KCNQ1: variants seen among roughly 807,000 people sequenced by gnomAD.
KCNQ1 encodes potassium voltage-gated channel subfamily KQT member 1.
In KCNQ1, 49 loss-of-function variants were observed where a neutral mutation model predicts 72.4. That is an observed-to-expected ratio of 0.68 (90% CI 0.54 to 0.86). KCNQ1 has a LOEUF of 0.86. Among genes scored for constraint, KCNQ1 ranks in the 40% least tolerant of loss-of-function variants. KCNQ1 has a pLI of 0.00. For missense variants in KCNQ1, 790 were observed against 945.1 expected, an observed-to-expected ratio of 0.84 and a Z score of 2.15; for synonymous variants, 450 against 412.6, an observed-to-expected ratio of 1.09 and a Z score of -1.10.
intron 15 of KCNQ1, among the ~76,000 whole-genome samples, chr11:2,812,580 G>A (rs760336405): frequency 6.6e-5 from 10 of 152,168 alleles, no homozygotes; most frequent in African/African-American, 1.4e-4. Context: ...GGCCAGCCCC[G>A]TCCCCAGGGG....
chr11:2,561,753 A>G (rs1215598636), intron 2 of KCNQ1, among the ~76,000 whole-genome samples: 1 of 152,140 alleles, frequency 6.6e-6, no homozygotes, highest in Non-Finnish European at 1.5e-5. Context: ...TCCCCCCACC[A>G]TACTCCCAGT....
In KCNQ1 at chr11:2,677,265, G is replaced by A. The variant is rs114683827; in HGVS notation, c.1514+15184G>A. On this transcript the variant is annotated intron_variant, in intron 11 of 15. Transcript: ENST00000155840. This position sits in a 1 kb window ranked among gnomAD's most constrained non-coding sequence, Gnocchi z 4.5. Reference sequence around the variant, plus strand: ...CACAAAGTAAAGAGGAACTTATAAAGAGGAACTGTAAATCTTGTCAAAATA... The same window carrying A: ...CACAAAGTAAAGAGGAACTTATAAAAAGGAACTGTAAATCTTGTCAAAATA... 5.8e-5 allele frequency: 23 copies of A among 398,382 alleles called. No individual in the cohort carries two copies. The highest frequency in any genetic ancestry group is 1.3e-3 in the Middle Eastern group (2 of 1,588). 24.7% of individuals were successfully genotyped at this position (398,382 alleles called of 1,614,324 possible). A position where few individuals can be genotyped will look rare whatever the true frequency, so the allele number is the denominator to read the frequency against.
intron 10 of KCNQ1, chr11:2,614,695 T>C: frequency 2.5e-6 from 1 of 398,352 alleles, no homozygotes; most frequent in Non-Finnish European, 4.4e-6. Flanking sequence ...TATGTGAGTG[T>C]TTATTTCTAC....
chr11:2,712,470 C>G lies in KCNQ1; in HGVS notation c.1514+50389C>G, dbSNP rs1851021914. 6.6e-6 allele frequency among the ~76,000 whole-genome samples: 1 copy of G among 152,194 alleles called. No homozygotes were observed. The highest frequency in any genetic ancestry group is 2.4e-5 in the African/African-American group (1 of 41,444). On this transcript the variant is annotated intron_variant, in intron 11 of 15. Coordinates refer to ENST00000155840, the MANE Select transcript of KCNQ1 (RefSeq NM_000218.3). The surrounding 1 kb of genome is among the most constrained non-coding windows in gnomAD (Gnocchi z 6.4). The stretch of plus-strand genomic sequence containing the variant: ...GACTCAGAGCAGAGCCCCCAGTAAT[C>G]ATAGTGAGGTATTTAGGGATAGAGT...
chr11:2,550,921 C>T lies in KCNQ1; in HGVS notation c.478-19707C>T, dbSNP rs1196790542. Among the ~76,000 whole-genome samples, 4 of 152,152 alleles carry T rather than the reference C, an allele frequency of 2.6e-5. No homozygotes were observed. In the South Asian group the frequency reaches 8.3e-4, roughly 32 times the overall value. On this transcript the variant is annotated intron_variant, in intron 2 of 15. Coordinates refer to ENST00000155840, the MANE Select transcript of KCNQ1 (RefSeq NM_000218.3). The surrounding 1 kb of genome is among the most constrained non-coding windows in gnomAD (Gnocchi z 6.0). ...CTGAGACAGGGTCCCCGTGTTCCAT[C>T]CATGGGGTACAGCTGCTCCCAGGCC...
chr11:2,454,594 G>A (rs1846159642), intron 1 of KCNQ1, among the ~76,000 whole-genome samples: 1 of 152,178 alleles, frequency 6.6e-6, no homozygotes, highest in Non-Finnish European at 1.5e-5. Context: ...GTTAAGGTAA[G>A]TAATTGTGTT....
chr11:2,735,927 C>T lies in KCNQ1; in HGVS notation c.1515-32917C>T, dbSNP rs1333476882. Among the ~76,000 whole-genome samples, 1 of 152,164 alleles carries T rather than the reference C, an allele frequency of 6.6e-6. No homozygotes were observed. Among genetic ancestry groups the T allele is most frequent in the African/African-American group, 2.4e-5 (1 of 41,424 alleles). ...GACCCCATCTCCAGACACACAGTCA[C>T]AGTCAGAGGCAGGAGGAGGTGGGTG... is the stretch of plus-strand genomic sequence containing the variant. On this transcript the variant is annotated intron_variant, in intron 11 of 15. Transcript: ENST00000155840. This position sits in a 1 kb window ranked among gnomAD's most constrained non-coding sequence, Gnocchi z 7.7.
intron 10 of KCNQ1, chr11:2,633,554 G>C (rs1449080381): frequency 2.5e-6 from 1 of 398,462 alleles, no homozygotes. Flanking sequence ...TATATGCTGA[G>C]AGATAGTATA....
In KCNQ1 at chr11:2,475,531, A is replaced by G. The variant is rs16928333; in HGVS notation, c.386+30047A>G. On this transcript the variant is annotated intron_variant, in intron 1 of 15. Coordinates refer to ENST00000155840, the MANE Select transcript of KCNQ1 (RefSeq NM_000218.3). This position sits in a 1 kb window ranked among gnomAD's most constrained non-coding sequence, Gnocchi z 5.8. Reference sequence around the variant, plus strand: ...AATGGCTAAAGATTTTCAAGCACACACACCTAAAGATAGCAGACATTCCAT... The same window carrying G: ...AATGGCTAAAGATTTTCAAGCACACGCACCTAAAGATAGCAGACATTCCAT... Among the ~76,000 whole-genome samples, 4,570 of 152,366 alleles carry G rather than the reference A, an allele frequency of 0.03. 234 individuals are homozygous for G. Among genetic ancestry groups the G allele is most frequent in the African/African-American group, 0.1 (4,364 of 41,566 alleles).
At chr11:2,511,228 G>T (rs1386622887) in intron 1 of KCNQ1, among the ~76,000 whole-genome samples, 2 of 152,170 alleles carry the variant, frequency 1.3e-5, no homozygotes, top group Non-Finnish European at 2.9e-5. Context: ...TCACGGAAAA[G>T]GAGGAGACGT....
At chr11:2,820,475 T>C (rs1193399744) in intron 15 of KCNQ1, among the ~76,000 whole-genome samples, 1 of 152,252 alleles carries the variant, frequency 6.6e-6, no homozygotes, top group Non-Finnish European at 1.5e-5. Context: ...CCTTTTTGTA[T>C]ATGTGTGGAG....
In KCNQ1 at chr11:2,661,613, A is replaced by T. The variant is rs1277828108; in HGVS notation, c.1394-348A>T. 11 of 580,162 alleles carry T rather than the reference A, an allele frequency of 1.9e-5. No homozygotes were observed. Among genetic ancestry groups the T allele is most frequent in the African/African-American group, 9.3e-5 (5 of 53,644 alleles). The allele number at this position is 580,162 out of a possible 1,614,324, so 35.9% of individuals were successfully genotyped here. A position where few individuals can be genotyped will look rare whatever the true frequency, so the allele number is the denominator to read the frequency against. On this transcript the variant is annotated intron_variant, in intron 10 of 15. Transcript: ENST00000155840. The surrounding 1 kb of genome is among the most constrained non-coding windows in gnomAD (Gnocchi z 5.9). ...GTCCCTTACCAGGCCTGTGCCTGTC[A>T]CCTCTGTTTTATTCTTGACCCAAGT... is the stretch of plus-strand genomic sequence containing the variant.
chr11:2,721,878 G>C (rs1851208711), intron 11 of KCNQ1, among the ~76,000 whole-genome samples: 1 of 152,200 alleles, frequency 6.6e-6, no homozygotes, highest in Non-Finnish European at 1.5e-5. Flanking sequence ...TGTCCCCTTT[G>C]CCAGTGCAGG....
intron 10 of KCNQ1, chr11:2,633,664 C>T (rs1849400746): frequency 2.5e-6 from 1 of 398,312 alleles, no homozygotes; most frequent in African/African-American, 2.1e-5. Flanking sequence ...TGTCAAAAAC[C>T]AGTTGTCTGT....
chr11:2,716,637 T>C (rs967258260), intron 11 of KCNQ1, among the ~76,000 whole-genome samples: 3 of 152,250 alleles, frequency 2.0e-5, no homozygotes, highest in East Asian at 1.9e-4. Context: ...AGAAATCTTA[T>C]CTTGAGGGCC....
rs192425187 is a variant in KCNQ1 at position 2,626,164 on chromosome 11, A to T, written c.1394-35797A>T. The T allele has an allele frequency of 2.6e-6, 1 of 382,356 alleles. No individual in the cohort carries two copies. Among genetic ancestry groups the T allele is most frequent in the African/African-American group, 2.8e-5 (1 of 35,250 alleles). 23.7% of individuals were successfully genotyped at this position (382,356 alleles called of 1,614,324 possible). On this transcript the variant is annotated intron_variant, in intron 10 of 15. Coordinates refer to ENST00000155840, the MANE Select transcript of KCNQ1 (RefSeq NM_000218.3). This position sits in a 1 kb window ranked among gnomAD's most constrained non-coding sequence, Gnocchi z 4.0. ...GCCAATGATGTAAAGTTTTTCCCCT[A>T]TGTTTCCTTATAAGACTTCATAGTT...
At chr11:2,581,709 G>T (rs1007850428) in intron 6 of KCNQ1, among the ~76,000 whole-genome samples, 3 of 152,250 alleles carry the variant, frequency 2.0e-5, no homozygotes, top group African/African-American at 7.2e-5. Context: ...GTGCCGGGTC[G>T]TGTGTTTCCG....
chr11:2,843,100 G>A (rs551547323), intron 15 of KCNQ1, among the ~76,000 whole-genome samples: 66 of 152,352 alleles, frequency 4.3e-4, no homozygotes, highest in African/African-American at 1.4e-3. Context: ...ACTGGCCACA[G>A]CACAGCAAGC....
At chr11:2,638,546 C>T (rs187876210) in intron 10 of KCNQ1, 13 of 152,260 alleles carry the variant, frequency 8.5e-5, no homozygotes, top group African/African-American at 1.7e-4. Flanking sequence ...AGAGATCCGC[C>T]GTTAGTCTGA....
Sources: gnomAD v4.1 joint callset for allele counts (sites outside exome capture counted in the v4.1 genomes callset) on GRCh38, gnomAD v4.1.1 for gene constraint, Gnocchi (gnomAD v3.1) non-coding constraint, MANE v1.5 for transcripts, NCBI Gene and HGNC (gene_info 2026-07-23, HGNC 2026-07-21) for gene names.